The following CSMD2 variants were observed in gnomAD, a reference collection of about 807,000 sequenced individuals.
CSMD2 encodes the protein CUB and Sushi multiple domains 2.
A neutral mutation model predicts 398.5 loss-of-function variants in CSMD2; 130 were observed. That is an observed-to-expected ratio of 0.33 (90% confidence interval 0.28 to 0.38). The LOEUF is 0.38. Ranked by LOEUF, CSMD2 falls within the 10% of genes least tolerant of loss-of-function variation. The pLI, the probability that CSMD2 is intolerant of heterozygous loss-of-function variation, is 1.00. For synonymous variants in CSMD2, 1,828 were observed against 1,908.5 expected (o/e 0.96, Z 1.10); for missense variants, 3,829 against 4,764.9 (o/e 0.80, Z 5.78).
At chr1:33,793,085 G>A (rs1246462198) in intron 10 of CSMD2, among the ~76,000 whole-genome samples, 1 of 152,158 alleles carries the variant, frequency 6.6e-6, no homozygotes, top group Admixed American at 6.5e-5. Context: ...GCCAGGCTGG[G>A]CGGTGGGTTT....
intron 26 of CSMD2, among the ~76,000 whole-genome samples, chr1:33,660,501 C>T (rs1375562881): frequency 1.3e-5 from 2 of 152,208 alleles, no homozygotes; most frequent in African/African-American, 4.8e-5. Context: ...TCTGTACAAT[C>T]CCCTGTCAAA....
At chr1:34,060,618 A>G (rs556212252) in intron 2 of CSMD2, among the ~76,000 whole-genome samples, 1 of 149,596 alleles carries the variant, frequency 6.7e-6, no homozygotes, top group African/African-American at 2.5e-5. Context: ...CAACAAATGC[A>G]GGATTTGTGC....
chr1:33,525,586 A>G (rs911460497), intron 65 of CSMD2, among the ~76,000 whole-genome samples: 1 of 152,168 alleles, frequency 6.6e-6, no homozygotes, highest in African/African-American at 2.4e-5. Context: ...AAAGGGTACA[A>G]AGTTTCCATT....
chr1:34,109,675 A>T lies in CSMD2; in HGVS notation c.188-20482T>A, dbSNP rs529347450. Among the ~76,000 whole-genome samples, 35 of 152,282 alleles carry T rather than the reference A, an allele frequency of 2.3e-4. 2 individuals carry two copies. In the South Asian group the frequency reaches 7.3e-3, roughly 32 times the overall value. On this transcript the variant is annotated intron_variant, in intron 1 of 70. Coordinates refer to ENST00000373381, the MANE Select transcript of CSMD2 (RefSeq NM_001281956.2). ...TCAGCATCTGTAAGGAACTTAAACA[A>T]ATTTACAAGAAAAAAATAAACAACT...
chr1:33,984,697 C>G (rs1301933939), intron 3 of CSMD2, among the ~76,000 whole-genome samples: 6 of 152,044 alleles, frequency 3.9e-5, no homozygotes, highest in African/African-American at 1.4e-4. Context: ...GTGAGAGGAT[C>G]CCTTGGGTCC....
At chr1:33,772,153 A>T (rs1651358099) in intron 13 of CSMD2, 2 of 159,220 alleles carry the variant, frequency 1.3e-5, no homozygotes, top group Admixed American at 1.3e-4. Flanking sequence ...AGTTTCCCAC[A>T]GTTACTGGAG....
intron 2 of CSMD2, among the ~76,000 whole-genome samples, chr1:34,065,115 G>A (rs955338497): frequency 5.9e-5 from 9 of 152,092 alleles, no homozygotes. Context: ...GAGGCTTCCT[G>A]AAAGCTCTTC....
Position 33,716,372 on chromosome 1 carries a change from G to T in CSMD2, c.3131C>A (p.Ala1044Asp). ...GGCAGTGAAGTTGCCATAGAGCCCAGCGCTGATGGGAGCTGGCAGCCGAGA... is the reference window on the plus strand; with the variant it reads ...GGCAGTGAAGTTGCCATAGAGCCCATCGCTGATGGGAGCTGGCAGCCGAGA... ...TGSRLPAPIS[A>D]GLYGNFTAQV... Residue 1044 changes from alanine (A) to aspartate (D), a missense_variant, in exon 20 of 71, where the codon GCT (alanine) becomes GAT (aspartate). Ala to Asp is a moderately radical substitution (Grantham distance 126). This residue lies in a region of CSMD2 where 2,001 missense variants were observed against 2,567.1 expected (regional missense o/e 0.78). Transcript: ENST00000373381. 6.2e-7 allele frequency: 1 copy of T among 1,614,170 alleles called. No homozygotes were observed.
intron 3 of CSMD2, among the ~76,000 whole-genome samples, chr1:33,954,584 C>G (rs1257380960): frequency 1.3e-5 from 2 of 152,110 alleles, no homozygotes; most frequent in Admixed American, 1.3e-4. Flanking sequence ...AATGGCTAAA[C>G]AAAACATGGT....
intron 2 of CSMD2, among the ~76,000 whole-genome samples, chr1:34,045,988 GT>G (rs1306816168): frequency 1.3e-5 from 2 of 152,272 alleles, no homozygotes; most frequent in Non-Finnish European, 2.9e-5. Flanking sequence ...ATTGCAGTGA[GT>G]TTACAAGGGT....
At chr1:33,648,355 C>T (rs1218281538) in intron 28 of CSMD2, among the ~76,000 whole-genome samples, 16 of 127,422 alleles carry the variant, frequency 1.3e-4, no homozygotes, top group Non-Finnish European at 1.8e-4. Flanking sequence ...GAGCGAGACT[C>T]TGTCTCAAAA....
chr1:33,717,485 G>A (rs755774473), intron 19 of CSMD2, among the ~76,000 whole-genome samples: 5 of 151,898 alleles, frequency 3.3e-5, no homozygotes, highest in Non-Finnish European at 5.9e-5. Flanking sequence ...CCAGTGGCAC[G>A]TCCACCTGAA....
intron 5 of CSMD2, among the ~76,000 whole-genome samples, chr1:33,876,332 C>T (rs1558040180): frequency 2.6e-5 from 4 of 152,230 alleles, no homozygotes; most frequent in African/African-American, 9.6e-5. Flanking sequence ...CCTTGGGAAT[C>T]TGTCATTGCT....
chr1:34,028,422 T>C (rs1032377617), intron 3 of CSMD2, among the ~76,000 whole-genome samples: 1 of 152,140 alleles, frequency 6.6e-6, no homozygotes, highest in Admixed American at 6.5e-5. Context: ...ATTAACTGAG[T>C]GCCCTGTATT....
intron 6 of CSMD2, among the ~76,000 whole-genome samples, chr1:33,831,974 T>C (rs1313251441): frequency 6.6e-6 from 1 of 152,142 alleles, no homozygotes; most frequent in African/African-American, 2.4e-5. Flanking sequence ...ATCTTAAATA[T>C]ATATGCACCC....
At chr1:33,692,275 T>A (rs1280354503) in intron 25 of CSMD2, among the ~76,000 whole-genome samples, 1 of 152,216 alleles carries the variant, frequency 6.6e-6, no homozygotes, top group Admixed American at 6.5e-5. Flanking sequence ...GGCATACCTA[T>A]TTTGAAGGAA....
intron 21 of CSMD2, among the ~76,000 whole-genome samples, chr1:33,710,328 G>A (rs10914766): frequency 0.4 from 61,227 of 151,952 alleles, 12,405 homozygotes; most frequent in East Asian, 0.47. Context: ...TAACTTGAGG[G>A]CTAGGGTCAT....
chr1:33,584,736 A>G (rs1291793717), intron 46 of CSMD2, among the ~76,000 whole-genome samples: 1 of 139,460 alleles, frequency 7.2e-6, no homozygotes, highest in Non-Finnish European at 1.6e-5. Context: ...AGCATGCAAC[A>G]TAGTGCTTCA....
At chr1:33,632,933 A>G (rs865986370) in intron 32 of CSMD2, among the ~76,000 whole-genome samples, 45 of 152,208 alleles carry the variant, frequency 3.0e-4, no homozygotes, top group Admixed American at 2.4e-3. Flanking sequence ...AAAATGACAG[A>G]GAAAAGCTCG....
Sources: allele counts gnomAD v4.1 joint callset (sites outside exome capture counted in the v4.1 genomes callset), GRCh38; gene constraint gnomAD v4.1.1; regional missense constraint gnomAD v4.1.1; transcripts MANE v1.5; gene names NCBI Gene and HGNC (gene_info 2026-07-23, HGNC 2026-07-21).